The following PYROXD2 variants were observed in gnomAD, a reference collection of about 807,000 sequenced individuals.
PYROXD2 encodes the protein pyridine nucleotide-disulfide oxidoreductase domain-containing protein 2.
PYROXD2 carries 69 observed loss-of-function variants against 71.1 expected under a neutral mutation model. The ratio of observed to expected loss-of-function variants is 0.97; its 90% CI spans 0.80 to 1.19. The LOEUF is 1.19. Among genes scored for constraint, PYROXD2 ranks in the 50% most tolerant of loss-of-function variants. The probability of loss-of-function intolerance (pLI) is 0.00; values close to 1 mark genes in which losing one functional copy is unlikely to be tolerated. For synonymous variants in PYROXD2, 287 were observed against 302.7 expected (o/e 0.95, Z 0.54); for missense variants, 745 against 748.9 (o/e 0.99, Z 0.06).
intron 4 of PYROXD2, among the ~76,000 whole-genome samples, chr10:98,402,400 T>C (rs1178293827): frequency 1.3e-5 from 2 of 152,248 alleles, no homozygotes; most frequent in East Asian, 1.9e-4. Flanking sequence ...GCAATGGTTA[T>C]GTGAAAATCT....
At chr10:98,395,578 A>G (rs1007567988) in intron 6 of PYROXD2, 126 bp from the exon 7 acceptor site, 1 of 764,998 alleles carries the variant, frequency 1.3e-6, no homozygotes, top group Non-Finnish European at 2.3e-6. Context: ...AGCACAGCCA[A>G]TGCAGGGACA....
rs538505970 is a variant in PYROXD2, at chr10:98,385,022, G to T, written c.1600C>A (p.Arg534Ser). 1 of 1,613,770 alleles carries T rather than the reference G, an allele frequency of 6.2e-7. No homozygotes were observed. The highest frequency in any genetic ancestry group is 8.5e-7 in the Non-Finnish European group (1 of 1,179,918). ...AMSLDQLYFARPVPLHSGYRC... is the reference protein window; with the variant it reads ...AMSLDQLYFASPVPLHSGYRC... ...TAGCCAGAATGCAGGGGCACGGGGC[G>T]GGCGAAGTAGAGCTGGTCCAGGGAC... The change falls in exon 15 of 16, where the codon CGC becomes AGC. Residue 534 changes from arginine to serine, a missense_variant. Transcript: ENST00000370575.
At chr10:98,414,572 A>C (rs759920275) in intron 1 of PYROXD2, among the ~76,000 whole-genome samples, 4 of 152,140 alleles carry the variant, frequency 2.6e-5, no homozygotes, top group African/African-American at 4.8e-5. Context: ...CTCAGTGGTA[A>C]GGTAGTGGTG....
intron 8 of PYROXD2, among the ~76,000 whole-genome samples, chr10:98,394,462 G>A (rs1354850591): frequency 6.6e-6 from 1 of 151,692 alleles, no homozygotes; most frequent in Non-Finnish European, 1.5e-5. Flanking sequence ...AAGCCACGTC[G>A]ACGCCTTCTA....
chr10:98,383,724 C>A lies in PYROXD2; in HGVS notation c.*74G>T. 1 of 1,328,192 alleles carries A rather than the reference C, an allele frequency of 7.5e-7. No individual in the cohort carries two copies. Among genetic ancestry groups the A allele is most frequent in the South Asian group, 1.2e-5 (1 of 85,308 alleles). The allele number at this position is 1,328,192 out of a possible 1,614,324, so 82.3% of individuals were successfully genotyped here. A position where few individuals can be genotyped will look rare whatever the true frequency, so the allele number is the denominator to read the frequency against. On this transcript the variant is annotated 3_prime_UTR_variant, in exon 16 of 16. Coordinates refer to ENST00000370575, the MANE Select transcript of PYROXD2 (RefSeq NM_032709.3). ...ATGTACTAACCCGAAGCTGAACTTC[C>A]TGGGAAGCTGATCCAATGGAGCACT...
chr10:98,405,496 A>G (rs1056895511), intron 4 of PYROXD2, among the ~76,000 whole-genome samples: 2 of 152,200 alleles, frequency 1.3e-5, no homozygotes, highest in Non-Finnish European at 1.5e-5. Flanking sequence ...AATAGCGACA[A>G]GTACTGAGCC....
chr10:98,411,236 A>T (rs972905409), intron 1 of PYROXD2: 4 of 471,956 alleles, frequency 8.5e-6, no homozygotes, highest in Non-Finnish European at 1.5e-5. Flanking sequence ...TGAGGGGCTC[A>T]TGAGAGCATC....
intron 2 of PYROXD2, among the ~76,000 whole-genome samples, chr10:98,408,261 C>A (rs1051463581): frequency 5.9e-5 from 9 of 152,228 alleles, no homozygotes; most frequent in African/African-American, 2.2e-4. Context: ...GTGGTCTTCC[C>A]TCCTTAGAGG....
At chr10:98,404,759 G>T (rs1277212015) in intron 4 of PYROXD2, among the ~76,000 whole-genome samples, 1 of 152,022 alleles carries the variant, frequency 6.6e-6, no homozygotes, top group African/African-American at 2.4e-5. Flanking sequence ...TGTTCTGGGG[G>T]CCTCCTCTTT....
chr10:98,396,312 C>T (rs185765077), intron 6 of PYROXD2, among the ~76,000 whole-genome samples: 4 of 152,266 alleles, frequency 2.6e-5, no homozygotes, highest in African/African-American at 4.8e-5. Flanking sequence ...AAAGTCCACA[C>T]CCAGGTCAGC....
intron 2 of PYROXD2, among the ~76,000 whole-genome samples, chr10:98,408,258 TC>T (rs1367537250): frequency 5.9e-5 from 9 of 152,206 alleles, no homozygotes; most frequent in African/African-American, 2.2e-4. Flanking sequence ...AAAGTGGTCT[TC>T]CCTCCTTAGA....
At chr10:98,400,009 T>C (rs1843336108) in intron 5 of PYROXD2, 93 bp downstream of exon 5, 4 of 1,481,836 alleles carry the variant, frequency 2.7e-6, no homozygotes, top group South Asian at 1.4e-5. Context: ...GCAGTGTCCA[T>C]GGCCTTTGAA....
At chr10:98,402,410 T>C (rs1843445298) in intron 4 of PYROXD2, among the ~76,000 whole-genome samples, 1 of 152,258 alleles carries the variant, frequency 6.6e-6, no homozygotes, top group Non-Finnish European at 1.5e-5. Context: ...TGTGAAAATC[T>C]ATACTTACAA....
intron 2 of PYROXD2, chr10:98,410,607 TC>T: frequency 2.8e-6 from 1 of 355,658 alleles, no homozygotes; most frequent in Non-Finnish European, 5.1e-6. Flanking sequence ...ATCCCCTGGT[TC>T]CCACCTGCTC....
chr10:98,387,181 C>A lies in PYROXD2; in HGVS notation c.1554+20G>T, dbSNP rs565294075. The A allele has an allele frequency of 3.8e-6, 6 of 1,578,518 alleles. No individual in the cohort carries two copies. Among genetic ancestry groups the A allele is most frequent in the South Asian group, 1.1e-5 (1 of 89,800 alleles). ...GCAGAGGGAAGGCTATGGTGAGAGA[C>A]CCCCTAGGCTTATACATACCCCTCC... On this transcript the variant is annotated intron_variant, in intron 14 of 15. Transcript: ENST00000370575.
rs760092278 is a variant in PYROXD2, at chr10:98,395,143, C to T, written c.785+53G>A. 2.7e-6 allele frequency: 4 copies of T among 1,480,692 alleles called. No homozygotes were observed. The African/African-American group carries it at 4.1e-5, about 15-fold the overall frequency. 91.7% of individuals were successfully genotyped at this position (1,480,692 alleles called of 1,614,324 possible). ...TGCCACTGCCACTGTTGTCCTCACT[C>T]CTGTTGGGGAACATGCCCCACTCCT... On this transcript the variant is annotated intron_variant, in intron 8 of 15. Transcript: ENST00000370575.
At chr10:98,405,328 G>A (rs1843560554) in intron 4 of PYROXD2, among the ~76,000 whole-genome samples, 1 of 152,222 alleles carries the variant, frequency 6.6e-6, no homozygotes, top group Non-Finnish European at 1.5e-5. Context: ...CTCAAGGAGG[G>A]GAGGAGGGGC....
At chr10:98,395,325 A>T (rs371339558) in intron 7 of PYROXD2, 32 bp from the exon 8 acceptor site, 2 of 1,613,720 alleles carry the variant, frequency 1.2e-6, no homozygotes, top group Non-Finnish European at 1.7e-6. Context: ...AGAAGGGCTT[A>T]GGAGCCTGGA....
rs760704154 is a variant in PYROXD2 at position 98,392,488 on chromosome 10, T to G, written c.1006A>C (p.Lys336Gln). ...VLEDGTEVRSKMVLSNTSPQI... is the reference protein window; with the variant it reads ...VLEDGTEVRSQMVLSNTSPQI... ...GGTGATGTGTTGGACAGCACCATTT[T>G]GCTTCTCACCTCTGTGCCATCTTCC... Residue 336 changes from lysine (K) to glutamine (Q), a missense_variant, in exon 10 of 16, where the codon AAA (lysine) becomes CAA (glutamine). Coordinates refer to ENST00000370575, the MANE Select transcript of PYROXD2 (RefSeq NM_032709.3). The G allele has an allele frequency of 6.2e-7, 1 of 1,613,916 alleles. No individual in the cohort carries two copies. The highest frequency in any genetic ancestry group is 1.1e-5 in the South Asian group (1 of 91,078).
Sources: gnomAD v4.1 joint callset for allele counts (sites outside exome capture counted in the v4.1 genomes callset) on GRCh38, gnomAD v4.1.1 for gene constraint, MANE v1.5 for transcripts, NCBI Gene and HGNC (gene_info 2026-07-23, HGNC 2026-07-21) for gene names.